The following SYBU variants were observed in gnomAD, a reference collection of about 807,000 sequenced individuals.
SYBU encodes the protein syntabulin.
SYBU carries 21 observed loss-of-function variants against 35.9 expected under a neutral mutation model. The ratio of observed to expected loss-of-function variants is 0.58; its 90% CI spans 0.41 to 0.84. The LOEUF is 0.84. SYBU is among the 40% of genes least tolerant of loss of function. The probability of loss-of-function intolerance (pLI) is 0.00; values close to 1 mark genes in which losing one functional copy is unlikely to be tolerated. For synonymous variants in SYBU, 319 were observed against 324.3 expected, an observed-to-expected ratio of 0.98 and a Z score of 0.18; for missense variants, 768 against 848.2, an observed-to-expected ratio of 0.91 and a Z score of 1.17.
chr8:109,628,500 TTTTTTC>T (rs1211684653), intron 2 of SYBU, among the ~76,000 whole-genome samples: 2 of 152,082 alleles, frequency 1.3e-5, no homozygotes, highest in African/African-American at 4.8e-5. Context: ...AGCTGGCTAA[TTTTTTC>T]TTTTTCTTTT....
At chr8:109,675,330 A>C (rs1018006529) in intron 1 of SYBU, among the ~76,000 whole-genome samples, 4 of 152,230 alleles carry the variant, frequency 2.6e-5, no homozygotes, top group Admixed American at 1.3e-4. Flanking sequence ...AAAGCCCTTC[A>C]AAAAATCAAT....
intron 1 of SYBU, among the ~76,000 whole-genome samples, chr8:109,676,075 G>A (rs902867963): frequency 8.5e-5 from 13 of 152,226 alleles, no homozygotes; most frequent in African/African-American, 2.4e-4. Flanking sequence ...AAAGGCCTTC[G>A]ATAAAATTCA....
In SYBU at chr8:109,691,581, C is replaced by T. The variant is rs1399389046; in HGVS notation, c.-306G>A. On this transcript the variant is annotated 5_prime_UTR_variant, in exon 1 of 8. Transcript: ENST00000422135. The surrounding 1 kb of genome is among the most constrained non-coding windows in gnomAD (Gnocchi z 4.7). ...CCCTCGGCCTCTGCAGCCAGCCGGG[C>T]GGCTGCTGGGGCTGAGGACAAAATG... 3.0e-5 allele frequency: 13 copies of T among 435,128 alleles called. No individual in the cohort carries two copies. The South Asian group carries it at 6.5e-4, about 22-fold the overall frequency. The allele number at this position is 435,128 out of a possible 1,614,324, so 27.0% of individuals were successfully genotyped here.
At chr8:109,579,725 T>A in intron 5 of SYBU, 74 bp downstream of exon 5, 1 of 1,379,292 alleles carries the variant, frequency 7.3e-7, no homozygotes, top group Non-Finnish European at 1.0e-6. Context: ...GTATAACTTT[T>A]TTTTTTCTTT....
chr8:109,591,551 G>C (rs1302458446), intron 3 of SYBU, among the ~76,000 whole-genome samples: 2 of 132,974 alleles, frequency 1.5e-5, no homozygotes, highest in African/African-American at 6.1e-5. Flanking sequence ...TCGCTCTGTG[G>C]CCCAGGTGGG....
At chr8:109,662,286 A>T (rs1356283169) in intron 1 of SYBU, among the ~76,000 whole-genome samples, 2 of 152,212 alleles carry the variant, frequency 1.3e-5, no homozygotes, top group Non-Finnish European at 2.9e-5. Context: ...AACTTGGGAA[A>T]ATCCAGTAAA....
chr8:109,609,047 C>T (rs1325791633), intron 3 of SYBU, among the ~76,000 whole-genome samples: 1 of 152,092 alleles, frequency 6.6e-6, no homozygotes, highest in Non-Finnish European at 1.5e-5. Context: ...CTTATGTTAC[C>T]AAATAAACTC....
At chr8:109,579,286 G>T (rs538190295) in intron 5 of SYBU, among the ~76,000 whole-genome samples, 1 of 152,222 alleles carries the variant, frequency 6.6e-6, no homozygotes, top group South Asian at 2.1e-4. Context: ...TTAACTTGTT[G>T]CTTGCTCTTC....
intron 2 of SYBU, among the ~76,000 whole-genome samples, chr8:109,642,121 G>A (rs1476422280): frequency 6.6e-6 from 1 of 152,198 alleles, no homozygotes; most frequent in Non-Finnish European, 1.5e-5. Flanking sequence ...ATACTATGCA[G>A]CCACAGAAAA....
At chr8:109,658,964 A>G (rs1482941554) in intron 1 of SYBU, among the ~76,000 whole-genome samples, 1 of 152,084 alleles carries the variant, frequency 6.6e-6, no homozygotes, top group African/African-American at 2.4e-5. Flanking sequence ...TAAAAAAAAA[A>G]AGAAAGAAAG....
intron 1 of SYBU, among the ~76,000 whole-genome samples, chr8:109,672,559 G>T (rs1012960104): frequency 1.3e-5 from 2 of 152,220 alleles, no homozygotes; most frequent in African/African-American, 4.8e-5. Flanking sequence ...TCCCTTGGAA[G>T]CCTACACCAC....
At chr8:109,668,165 G>GGGGAGAGAGAGA (rs1554628118) in intron 1 of SYBU, among the ~76,000 whole-genome samples, 8 of 88,988 alleles carry the variant, frequency 9.0e-5, no homozygotes, top group African/African-American at 3.4e-4. Flanking sequence ...GGGGAGAGGG[G>GGGGAGAGAGAGA]GAGAGAGAGA....
At chr8:109,690,764 C>G (rs1453668528) in intron 1 of SYBU, among the ~76,000 whole-genome samples, 1 of 152,186 alleles carries the variant, frequency 6.6e-6, no homozygotes, top group Non-Finnish European at 1.5e-5. Flanking sequence ...TTGAGCTCAT[C>G]AACGTAGCCC....
chr8:109,640,540 G>A (rs1814738773), intron 2 of SYBU, among the ~76,000 whole-genome samples: 1 of 152,008 alleles, frequency 6.6e-6, no homozygotes, highest in South Asian at 2.1e-4. Flanking sequence ...ACCAGGGTGA[G>A]CTCTGGGCTC....
At chr8:109,650,672 C>T (rs1330991662) in intron 1 of SYBU, among the ~76,000 whole-genome samples, 1 of 152,220 alleles carries the variant, frequency 6.6e-6, no homozygotes, top group Non-Finnish European at 1.5e-5. Flanking sequence ...CCCAGCTCCT[C>T]TCTAACGCAC....
intron 4 of SYBU, among the ~76,000 whole-genome samples, chr8:109,583,881 T>G (rs770875707): frequency 2.0e-5 from 3 of 152,196 alleles, no homozygotes; most frequent in Non-Finnish European, 4.4e-5. Flanking sequence ...CAATCTTGAC[T>G]CACTGCAACC....
intron 1 of SYBU, among the ~76,000 whole-genome samples, chr8:109,652,208 A>G (rs1034626911): frequency 1.3e-5 from 2 of 152,230 alleles, no homozygotes; most frequent in South Asian, 2.1e-4. Flanking sequence ...CAGTATCTAA[A>G]TTAGACTGGG....
At chr8:109,644,928 TC>T, upstream of SYBU, 1 of 538,390 alleles carries the variant, frequency 1.9e-6, no homozygotes, top group Non-Finnish European at 3.4e-6. Context: ...CCTGCGGCCT[TC>T]GGGGCAACTC....
chr8:109,609,336 G>A (rs1422320874), intron 3 of SYBU, among the ~76,000 whole-genome samples: 1 of 152,200 alleles, frequency 6.6e-6, no homozygotes, highest in Admixed American at 6.5e-5. Flanking sequence ...TAAAATGGAA[G>A]AGACAAAGAA....
Sources: gnomAD v4.1 joint callset for allele counts (sites outside exome capture counted in the v4.1 genomes callset) on GRCh38, gnomAD v4.1.1 for gene constraint, Gnocchi (gnomAD v3.1) non-coding constraint, MANE v1.5 for transcripts, NCBI Gene and HGNC (gene_info 2026-07-23, HGNC 2026-07-21) for gene names.